DPP8: variants seen among roughly 807,000 people sequenced by gnomAD.
DPP8 encodes dipeptidyl peptidase 8.
In DPP8, 31 loss-of-function variants were observed where a neutral mutation model predicts 107.5. That is an observed-to-expected ratio of 0.29 (90% confidence interval 0.22 to 0.39). The LOEUF (loss-of-function observed/expected upper bound fraction) is 0.39, where lower values mean the gene tolerates loss of function less well. Among genes scored for constraint, DPP8 ranks in the 10% least tolerant of loss-of-function variants. The pLI, the probability that DPP8 is intolerant of heterozygous loss-of-function variation, is 1.00. For missense variants in DPP8, 842 were observed against 1,076.1 expected (o/e 0.78, Z 3.04); for synonymous variants, 381 against 356.6 (o/e 1.07, Z -0.77).
In DPP8 at chr15:65,487,813, T is replaced by G; in HGVS notation, c.832A>C (p.Ser278Arg). The G allele has an allele frequency of 9.1e-6, 14 of 1,545,906 alleles. No individual in the cohort carries two copies. Among genetic ancestry groups the G allele is most frequent in the Non-Finnish European group, 1.2e-5 (14 of 1,129,724 alleles). ...AGAATTCTAAGAATTTTACCACCAC[T>G]GGGAGCTTAAAAGAAATTTAAATAT... ...WWCPKAETTP[S>R]GGKILRILYE... The change falls in exon 7 of 20, where the codon AGT becomes CGT. Residue 278 changes from serine (S) to arginine (R), a missense_variant. Ser to Arg is a moderately radical substitution (Grantham distance 110). Transcript: ENST00000300141.
intron 9 of DPP8, among the ~76,000 whole-genome samples, chr15:65,480,932 CA>C (rs2140750831): frequency 6.6e-6 from 1 of 151,808 alleles, no homozygotes; most frequent in South Asian, 2.1e-4. Flanking sequence ...CTTGTCTCTA[CA>C]AAAAATAAAA....
Position 65,480,261 on chromosome 15 carries a change from T to C in DPP8, c.1257A>G (p.Pro419=), listed in dbSNP as rs1331797109. 5 of 1,613,734 alleles carry C rather than the reference T, an allele frequency of 3.1e-6. No individual in the cohort carries two copies. In the African/African-American group the frequency reaches 6.7e-5, roughly 22 times the overall value. The change falls in exon 10 of 20, where the codon CCA becomes CCG. Residue 419 remains proline, a synonymous_variant. Transcript: ENST00000300141. Reference sequence around the variant, plus strand: ...CTGTTGTTTCTTCATAGATAATTAGTGGCGTCACAGAATCAGGCACTGACT... The same window carrying C: ...CTGTTGTTTCTTCATAGATAATTAGCGGCGTCACAGAATCAGGCACTGACT... ...LIESVPDSVT[P]LIIYEETTDI... is the part of the protein sequence containing the mutation.
chr15:65,454,454 A>G (rs760595723), intron 16 of DPP8, 39 bp from the exon 17 acceptor site: 1 of 1,550,110 alleles, frequency 6.5e-7, no homozygotes, highest in South Asian at 1.2e-5. Context: ...ATTCTGATGA[A>G]TAAAAGTCTC....
At chr15:65,448,889 T>A (rs1480207990) in intron 19 of DPP8, among the ~76,000 whole-genome samples, 714 of 68,514 alleles carry the variant, frequency 0.01, 89 homozygotes, top group African/African-American at 0.025. Flanking sequence ...TATATATATA[T>A]ATATATATAT....
intron 5 of DPP8, among the ~76,000 whole-genome samples, chr15:65,493,934 A>G (rs1453363711): frequency 1.3e-5 from 2 of 151,916 alleles, no homozygotes; most frequent in Non-Finnish European, 1.5e-5. Context: ...CTTTCTATCT[A>G]AGCACATACT....
At chr15:65,474,733 T>C (rs1245087648) in intron 11 of DPP8, among the ~76,000 whole-genome samples, 1 of 152,224 alleles carries the variant, frequency 6.6e-6, no homozygotes, top group Non-Finnish European at 1.5e-5. Flanking sequence ...CCTCTCAAAG[T>C]GCTGGGATTA....
rs1380225688 is a variant in DPP8, at chr15:65,456,448, TAGAA to T, written c.1972-81_1972-78del. 5 of 1,398,150 alleles carry T rather than the reference TAGAA, an allele frequency of 3.6e-6. No homozygotes were observed. In the Admixed American group the frequency reaches 7.1e-5, roughly 20 times the overall value. The allele number at this position is 1,398,150 out of a possible 1,614,324, so 86.6% of individuals were successfully genotyped here. A position where few individuals can be genotyped will look rare whatever the true frequency, so the allele number is the denominator to read the frequency against. On this transcript the variant is annotated intron_variant, in intron 15 of 19. Coordinates refer to ENST00000300141, the MANE Select transcript of DPP8 (RefSeq NM_130434.5). ...AAGAGCGGCTGGGCATTGCAAGAAA[TAGAA>T]AGCTTAATTTCACTATTATTTTACC...
chr15:65,472,681 C>A (rs1269585867), intron 12 of DPP8, among the ~76,000 whole-genome samples: 1 of 152,144 alleles, frequency 6.6e-6, no homozygotes, highest in East Asian at 1.9e-4. Context: ...TAACTTACAA[C>A]TTTTGCTAGG....
At chr15:65,464,843 ATTG>A (rs1352808618) in intron 14 of DPP8, among the ~76,000 whole-genome samples, 1 of 152,130 alleles carries the variant, frequency 6.6e-6, no homozygotes, top group East Asian at 1.9e-4. Context: ...AATATAACTT[ATTG>A]TTGATTAAAC....
At chr15:65,494,551 T>C (rs2068379989) in intron 5 of DPP8, among the ~76,000 whole-genome samples, 1 of 149,802 alleles carries the variant, frequency 6.7e-6, no homozygotes, top group Non-Finnish European at 1.5e-5. Flanking sequence ...CACACACCTG[T>C]TGTCTCAGCT....
At chr15:65,515,667 T>G in intron 1 of DPP8, 1 of 1,614,010 alleles carries the variant, frequency 6.2e-7, no homozygotes, top group East Asian at 2.2e-5. Flanking sequence ...TGATTTTATT[T>G]TCATCTGCTC....
rs142372411 is a variant in DPP8, at chr15:65,481,568, T to C, written c.1065A>G (p.Leu355=). 1.7e-4 allele frequency: 273 copies of C among 1,591,952 alleles called. No homozygotes were observed. In the African/African-American group the frequency reaches 2.1e-3, roughly 12 times the overall value. ...TGGCAATATATTCAACTCCTTCAAATAGAATCTCAAAAGGTTGAATTAGTT... is the reference window on the plus strand; with the variant it reads ...TGGCAATATATTCAACTCCTTCAAACAGAATCTCAAAAGGTTGAATTAGTT... ...DKELIQPFEI[L]FEGVEYIARA... The change falls in exon 9 of 20, where the codon CTA becomes CTG. Residue 355 remains leucine, a synonymous_variant. Coordinates refer to ENST00000300141, the MANE Select transcript of DPP8 (RefSeq NM_130434.5).
chr15:65,488,340 ACC>A (rs2067640014), intron 6 of DPP8, among the ~76,000 whole-genome samples: 1 of 152,086 alleles, frequency 6.6e-6, no homozygotes, highest in African/African-American at 2.4e-5. Context: ...CTAGCTCCAA[ACC>A]ATGAGTAGGT....
At chr15:65,450,804 G>A (rs558265718) in intron 19 of DPP8, 195 bp downstream of exon 19, 13 of 484,042 alleles carry the variant, frequency 2.7e-5, no homozygotes, top group Admixed American at 1.2e-4. Context: ...TGATAGGCAG[G>A]TATGTCAGCC....
At chr15:65,483,604 T>TAAA (rs1425405886) in intron 8 of DPP8, among the ~76,000 whole-genome samples, 1 of 149,182 alleles carries the variant, frequency 6.7e-6, no homozygotes, top group Non-Finnish European at 1.5e-5. Context: ...TAAAATAAAA[T>TAAA]AAAATAAAAT....
intron 4 of DPP8, among the ~76,000 whole-genome samples, chr15:65,499,694 A>G (rs2068993314): frequency 6.6e-6 from 1 of 151,958 alleles, no homozygotes; most frequent in South Asian, 2.1e-4. Context: ...CTTCCTGAGT[A>G]GCTGGGACTA....
chr15:65,456,318 G>A lies in DPP8; in HGVS notation c.2025C>T (p.Thr675=). ...CAACCACATAACCTAGAGAGGCTAG[G>A]GTATTCAAGCGGAAATACTTGACTC... The part of the protein sequence containing the change: ...FKGVKYFRLN[T]LASLGYVVVV... The change falls in exon 16 of 20, where the codon ACC becomes ACT. Residue 675 remains threonine, a synonymous_variant. Coordinates refer to ENST00000300141, the MANE Select transcript of DPP8 (RefSeq NM_130434.5). 15 of 1,614,032 alleles carry A rather than the reference G, an allele frequency of 9.3e-6. No homozygotes were observed. The highest frequency in any genetic ancestry group is 1.3e-5 in the Non-Finnish European group (15 of 1,179,986).
At chr15:65,487,556 T>C in intron 7 of DPP8, 134 bp downstream of exon 7, 1 of 766,674 alleles carries the variant, frequency 1.3e-6, no homozygotes, top group South Asian at 1.7e-5. Context: ...ATTTTTGTGG[T>C]ACTTAGTGAA....
At chr15:65,495,902 A>C (rs1423665268) in intron 5 of DPP8, among the ~76,000 whole-genome samples, 1 of 152,098 alleles carries the variant, frequency 6.6e-6, no homozygotes, top group Non-Finnish European at 1.5e-5. Flanking sequence ...AACAACAAAA[A>C]AGAACAAAAA....
Sources: gnomAD v4.1 joint callset for allele counts (sites outside exome capture counted in the v4.1 genomes callset) on GRCh38, gnomAD v4.1.1 for gene constraint, MANE v1.5 for transcripts, NCBI Gene and HGNC (gene_info 2026-07-23, HGNC 2026-07-21) for gene names.